C7orf78: variants seen among roughly 807,000 people sequenced by gnomAD.
C7orf78 encodes the protein chromosome 7 open reading frame 78, also known as putative uncharacterized protein C7orf78.
chr7:12,520,883 G>T, the C7orf78 span, among the ~76,000 whole-genome samples: 32 of 152,122 alleles, frequency 2.1e-4, no homozygotes, highest in Middle Eastern at 3.4e-3. Context: ...AATAATATTT[G>T]TTTTATATAT....
chr7:12,510,826 C>T, the C7orf78 span, among the ~76,000 whole-genome samples: 2 of 152,052 alleles, frequency 1.3e-5, no homozygotes, highest in African/African-American at 2.4e-5. Context: ...TGCACATATT[C>T]TCTTCTATTC....
chr7:12,520,763 CT>C, the C7orf78 span, among the ~76,000 whole-genome samples: 3 of 152,108 alleles, frequency 2.0e-5, no homozygotes, highest in Admixed American at 6.5e-5. Context: ...TGCAGTTTAA[CT>C]TTGATACTTC....
chr7:12,496,597 T>C, the C7orf78 span: 2 of 152,186 alleles, frequency 1.3e-5, no homozygotes, highest in Admixed American at 6.5e-5. Context: ...TCAGGACAAA[T>C]CACTTGGCAT....
At chr7:12,525,794 T>C in the C7orf78 span, 1 of 396,564 alleles carries the variant, frequency 2.5e-6, no homozygotes, top group Non-Finnish European at 4.5e-6. Flanking sequence ...ATTAATAATA[T>C]TGCAATCTTT....
At chr7:12,490,586 A>C in the C7orf78 span, among the ~76,000 whole-genome samples, 45 of 152,240 alleles carry the variant, frequency 3.0e-4, no homozygotes, top group African/African-American at 8.4e-4. Flanking sequence ...AATTTTATTA[A>C]AGTGTCTTGA....
At chr7:12,506,882 A>G in the C7orf78 span, 4 of 472,130 alleles carry the variant, frequency 8.5e-6, no homozygotes, top group Non-Finnish European at 1.7e-5. Flanking sequence ...GTGTTGTATA[A>G]CAAGTTTAAG....
the C7orf78 span, among the ~76,000 whole-genome samples, chr7:12,505,011 G>C: frequency 6.6e-6 from 1 of 151,944 alleles, no homozygotes; most frequent in Non-Finnish European, 1.5e-5. Context: ...ACTAACTAAA[G>C]AAATGTATTC....
At chr7:12,484,933 AG>A in the C7orf78 span, among the ~76,000 whole-genome samples, 1 of 152,126 alleles carries the variant, frequency 6.6e-6, no homozygotes, top group African/African-American at 2.4e-5. Flanking sequence ...CTCTTCGATT[AG>A]CTCATAGCAA....
chr7:12,516,769 G>C, the C7orf78 span, among the ~76,000 whole-genome samples: 1 of 152,164 alleles, frequency 6.6e-6, no homozygotes, highest in Non-Finnish European at 1.5e-5. Context: ...TGCCCAGATG[G>C]ATTTCAGACT....
At chr7:12,496,197 A>AT in the C7orf78 span, among the ~76,000 whole-genome samples, 1 of 152,142 alleles carries the variant, frequency 6.6e-6, no homozygotes, top group African/African-American at 2.4e-5. Context: ...AGTGCTGGGA[A>AT]TACAGGCGTG....
the C7orf78 span, among the ~76,000 whole-genome samples, chr7:12,540,050 ATTATTGGG>A: frequency 6.6e-6 from 1 of 152,186 alleles, no homozygotes; most frequent in Admixed American, 6.5e-5. Context: ...AGTCTATGGG[ATTATTGGG>A]TTGGTTTCAA....
the C7orf78 span, among the ~76,000 whole-genome samples, chr7:12,513,081 G>A: frequency 2.0e-5 from 3 of 151,562 alleles, no homozygotes; most frequent in Admixed American, 6.6e-5. Context: ...TCTATCTAGT[G>A]GTTCATCGAT....
At chr7:12,511,598 A>G in the C7orf78 span, among the ~76,000 whole-genome samples, 2 of 152,086 alleles carry the variant, frequency 1.3e-5, no homozygotes, top group Non-Finnish European at 2.9e-5. Flanking sequence ...CGTTAGCTCA[A>G]TTTATTCTTA....
chr7:12,506,751 T>A, the C7orf78 span: 1 of 310,046 alleles, frequency 3.2e-6, no homozygotes, highest in African/African-American at 2.3e-5. Flanking sequence ...GTAACAAACC[T>A]GCACATTGTG....
chr7:12,530,305 AAAAG>A, the C7orf78 span: 1 of 152,174 alleles, frequency 6.6e-6, no homozygotes, highest in African/African-American at 2.4e-5. Context: ...GACTGTCTGC[AAAAG>A]AGAGACAGCT....
At chr7:12,499,725 T>C in the C7orf78 span, among the ~76,000 whole-genome samples, 5 of 150,436 alleles carry the variant, frequency 3.3e-5, no homozygotes, top group Non-Finnish European at 3.0e-5. Context: ...CTGCACCAAG[T>C]GGACCTAATA....
the C7orf78 span, chr7:12,496,737 A>G: frequency 3.3e-5 from 5 of 152,236 alleles, no homozygotes. Context: ...TGAACTAAAC[A>G]TAAGTAGGTA....
the C7orf78 span, among the ~76,000 whole-genome samples, chr7:12,496,024 C>G: frequency 6.6e-6 from 1 of 151,986 alleles, no homozygotes; most frequent in East Asian, 1.9e-4. Context: ...CTCCCGGGTT[C>G]ACGCCATTCT....
At chr7:12,541,694 A>G in the C7orf78 span, 2 of 152,112 alleles carry the variant, frequency 1.3e-5, no homozygotes, top group South Asian at 2.1e-4. Flanking sequence ...GAAAAAGAGT[A>G]TATGTATGAG....
Sources: allele counts gnomAD v4.1 joint callset (sites outside exome capture counted in the v4.1 genomes callset), GRCh38; gene constraint gnomAD v4.1.1; transcripts MANE v1.5; gene names NCBI Gene and HGNC (gene_info 2026-07-23, HGNC 2026-07-21).